The following IPCEF1 variants were observed in gnomAD, a reference collection of about 807,000 sequenced individuals.
The protein encoded by IPCEF1 is interaction protein for cytohesin exchange factors 1.
A neutral mutation model predicts 50.9 loss-of-function variants in IPCEF1; 31 were observed. The observed-to-expected ratio is 0.61, with a 90% CI of 0.46 to 0.82. The LOEUF (loss-of-function observed/expected upper bound fraction) is 0.82, where lower values mean the gene tolerates loss of function less well. IPCEF1 is among the 40% of genes least tolerant of loss of function. IPCEF1 has a pLI of 0.00. For missense variants in IPCEF1, 458 were observed against 514.0 expected (o/e 0.89, Z 1.05); for synonymous variants, 181 against 192.0 (o/e 0.94, Z 0.47).
At chr6:154,199,382 G>A (rs2295677) in intron 10 of IPCEF1, among the ~76,000 whole-genome samples, 12,052 of 152,242 alleles carry the variant, frequency 0.079, 975 homozygotes, top group East Asian at 0.42. Flanking sequence ...AAAGAGGCAA[G>A]TTTTTTCTCC....
chr6:154,195,705 C>A (rs1776560294), intron 10 of IPCEF1, among the ~76,000 whole-genome samples: 1 of 151,984 alleles, frequency 6.6e-6, no homozygotes, highest in Non-Finnish European at 1.5e-5. Flanking sequence ...TTTTACTCTG[C>A]TTTCTTTTGT....
intron 5 of IPCEF1, among the ~76,000 whole-genome samples, chr6:154,226,189 C>T (rs1779238693): frequency 6.6e-6 from 1 of 152,136 alleles, no homozygotes; most frequent in Admixed American, 6.5e-5. Flanking sequence ...CTCATGGCTC[C>T]ATCTGTCATC....
chr6:154,263,221 TAAATG>T (rs1781647923), intron 3 of IPCEF1, among the ~76,000 whole-genome samples: 1 of 83,702 alleles, frequency 1.2e-5, no homozygotes, highest in African/African-American at 4.5e-5. Flanking sequence ...TAGCATCCTG[TAAATG>T]AGTCTTTTTT....
intron 1 of IPCEF1, among the ~76,000 whole-genome samples, chr6:154,348,449 C>G (rs919905471): frequency 1.3e-5 from 2 of 152,132 alleles, no homozygotes; most frequent in African/African-American, 2.4e-5. Flanking sequence ...CTAATTCACA[C>G]GATTCCAGGG....
intron 1 of IPCEF1, among the ~76,000 whole-genome samples, chr6:154,330,536 G>C (rs1173050503): frequency 6.6e-6 from 1 of 151,854 alleles, no homozygotes; most frequent in Non-Finnish European, 1.5e-5. Flanking sequence ...ATGTTGCCCA[G>C]GCTGGTCTAA....
At chr6:154,282,383 T>G (rs1437976869) in intron 2 of IPCEF1, among the ~76,000 whole-genome samples, 1 of 151,938 alleles carries the variant, frequency 6.6e-6, no homozygotes, top group Non-Finnish European at 1.5e-5. Context: ...ATAGAAGTGG[T>G]AAGAAGTAGA....
At position 154,290,893 on chromosome 6, in the gene IPCEF1, CT is replaced by C. The variant is rs3045866; in HGVS notation, c.-61-1138del. ...AATTTTTCCAGTAGGAATATATTGC[CT>C]TTTTTTTTTTTTTGAGACAGAGTCT... On this transcript the variant is annotated intron_variant, in intron 1 of 11. Coordinates refer to ENST00000367220, the MANE Select transcript of IPCEF1 (RefSeq NM_001130700.2). 2.1e-3 allele frequency among the ~76,000 whole-genome samples: 265 copies of C among 127,220 alleles called. 5 individuals are homozygous for C. The highest frequency in any genetic ancestry group is 7.8e-3 in the South Asian group (33 of 4,246). The allele number at this position is 127,220 out of a possible 152,430, so 83.5% of individuals were successfully genotyped here.
chr6:154,287,798 T>A (rs1024830058), intron 2 of IPCEF1, among the ~76,000 whole-genome samples: 1 of 152,192 alleles, frequency 6.6e-6, no homozygotes, highest in African/African-American at 2.4e-5. Flanking sequence ...TGACAACTTT[T>A]GAAGATAGTA....
At chr6:154,349,325 G>A (rs1031973489) in intron 1 of IPCEF1, among the ~76,000 whole-genome samples, 4 of 151,680 alleles carry the variant, frequency 2.6e-5, no homozygotes, top group African/African-American at 9.7e-5. Flanking sequence ...CTGAGTAGCT[G>A]AGACTACAGG....
chr6:154,205,632 T>A (rs980473657), intron 9 of IPCEF1, among the ~76,000 whole-genome samples: 1 of 152,124 alleles, frequency 6.6e-6, no homozygotes, highest in East Asian at 1.9e-4. Flanking sequence ...AACACATTAA[T>A]TTATTATGTA....
intron 10 of IPCEF1, among the ~76,000 whole-genome samples, chr6:154,172,223 A>G (rs1403304260): frequency 2.0e-5 from 3 of 152,240 alleles, no homozygotes; most frequent in South Asian, 2.1e-4. Flanking sequence ...AGTGAAATCA[A>G]TGCAGAAGAC....
At chr6:154,250,277 C>A (rs1781305141) in intron 3 of IPCEF1, among the ~76,000 whole-genome samples, 1 of 150,954 alleles carries the variant, frequency 6.6e-6, no homozygotes, top group Admixed American at 6.6e-5. Flanking sequence ...AGCAAGCAAC[C>A]AGTTGAGCAT....
chr6:154,213,614 T>C (rs1010267763), intron 8 of IPCEF1, among the ~76,000 whole-genome samples: 1 of 152,212 alleles, frequency 6.6e-6, no homozygotes, highest in African/African-American at 2.4e-5. Context: ...AGGCCTTTTG[T>C]GGTCTGGGCA....
intron 10 of IPCEF1, among the ~76,000 whole-genome samples, chr6:154,177,584 A>G (rs1297598910): frequency 6.6e-6 from 1 of 152,248 alleles, no homozygotes; most frequent in African/African-American, 2.4e-5. Context: ...CAAAACCACA[A>G]TGAGATACCA....
intron 4 of IPCEF1, chr6:154,247,144 A>G: frequency 2.3e-6 from 1 of 426,392 alleles, no homozygotes; most frequent in Non-Finnish European, 4.2e-6. Context: ...TCCTCTCAAC[A>G]ATAACAGCCG....
chr6:154,354,149 C>T (rs1269537311), intron 1 of IPCEF1, among the ~76,000 whole-genome samples: 6 of 152,290 alleles, frequency 3.9e-5, no homozygotes, highest in Admixed American at 2.6e-4. Flanking sequence ...TTTATAGGTT[C>T]GGAGGTCACA....
At chr6:154,326,524 C>T (rs1783523507) in intron 1 of IPCEF1, among the ~76,000 whole-genome samples, 1 of 152,104 alleles carries the variant, frequency 6.6e-6, no homozygotes, top group African/African-American at 2.4e-5. Context: ...AAAAGGACCT[C>T]TTCAAGGAGG....
intron 1 of IPCEF1, among the ~76,000 whole-genome samples, chr6:154,308,259 TG>T (rs1782987548): frequency 1.3e-5 from 2 of 152,306 alleles, no homozygotes; most frequent in Admixed American, 1.3e-4. Context: ...GGACTATTGG[TG>T]CGTGCCACCA....
At chr6:154,238,620 T>G (rs1049530001) in intron 5 of IPCEF1, among the ~76,000 whole-genome samples, 1 of 152,192 alleles carries the variant, frequency 6.6e-6, no homozygotes, top group African/African-American at 2.4e-5. Context: ...CTTCCATGTC[T>G]GTCTTCTTTT....
Sources: allele counts gnomAD v4.1 joint callset (sites outside exome capture counted in the v4.1 genomes callset), GRCh38; gene constraint gnomAD v4.1.1; transcripts MANE v1.5; gene names NCBI Gene and HGNC (gene_info 2026-07-23, HGNC 2026-07-21).